ACOT7: variants seen among roughly 807,000 people sequenced by gnomAD.
The protein encoded by ACOT7 is acyl-CoA thioesterase 7, also known as cytosolic acyl coenzyme A thioester hydrolase.
A neutral mutation model predicts 40.2 loss-of-function variants in ACOT7; 12 were observed. The observed-to-expected ratio is 0.30, with a 90% CI of 0.19 to 0.48. The LOEUF is 0.48. Among genes scored for constraint, ACOT7 ranks in the 20% least tolerant of loss-of-function variants. The pLI is 0.99. For synonymous variants in ACOT7, 228 were observed against 219.5 expected (o/e 1.04, Z -0.34); for missense variants, 395 against 530.8 (o/e 0.74, Z 2.51).
At chr1:6,363,896 C>T (rs1490259404) in intron 1 of ACOT7, among the ~76,000 whole-genome samples, 3 of 152,136 alleles carry the variant, frequency 2.0e-5, no homozygotes, top group Admixed American at 6.6e-5. Flanking sequence ...GAAAAGCCAC[C>T]GACCCTGTGG....
chr1:6,372,396 T>C (rs1301121135), intron 1 of ACOT7, among the ~76,000 whole-genome samples: 1 of 152,232 alleles, frequency 6.6e-6, no homozygotes, highest in Non-Finnish European at 1.5e-5. Context: ...TGCTTTCTTA[T>C]CATTCATGTG....
chr1:6,378,067 AAAACAAAC>A (rs140819559), intron 1 of ACOT7, among the ~76,000 whole-genome samples: 31 of 150,568 alleles, frequency 2.1e-4, no homozygotes, highest in East Asian at 1.4e-3. Flanking sequence ...AAGACTCGTC[AAAACAAAC>A]AAACAAACAA....
rs2148374972 is a variant in ACOT7 at position 6,278,132 on chromosome 1, G to C, written c.1014+2970C>G. 6.6e-6 allele frequency among the ~76,000 whole-genome samples: 1 copy of C among 152,234 alleles called. No homozygotes were observed. Among genetic ancestry groups the C allele is most frequent in the Middle Eastern group, 3.4e-3 (1 of 294 alleles). On this transcript the variant is annotated intron_variant, in intron 8 of 8. Transcript: ENST00000361521. The surrounding 1 kb of genome is among the most constrained non-coding windows in gnomAD (Gnocchi z 4.1). ...GGGTGGCGGAGGCGACGCTTCTCTA[G>C]AGCGGTTGTGGGTGCCCTTCTAAGG...
chr1:6,380,586 C>CAAAAAAAAAAAAAAAAAAA (rs58196406), intron 1 of ACOT7, among the ~76,000 whole-genome samples: 1 of 85,332 alleles, frequency 1.2e-5, no homozygotes. Context: ...AAGACCGTCT[C>CAAAAAAAAAAAAAAAAAAA]AAAAAAAAAA....
intron 6 of ACOT7, among the ~76,000 whole-genome samples, chr1:6,303,937 C>T (rs1640043105): frequency 6.6e-6 from 1 of 152,176 alleles, no homozygotes; most frequent in Non-Finnish European, 1.5e-5. Flanking sequence ...TTGACTGCTT[C>T]CTGATGTTTG....
chr1:6,381,136 A>G (rs1205097688), intron 1 of ACOT7, among the ~76,000 whole-genome samples: 1 of 151,940 alleles, frequency 6.6e-6, no homozygotes, highest in Non-Finnish European at 1.5e-5. Context: ...GCAAAAATGG[A>G]CACGGACTTT....
rs967774632 is a variant in ACOT7, at chr1:6,365,030, A to C, written c.144-15164T>G. On this transcript the variant is annotated intron_variant, in intron 1 of 8. Coordinates refer to ENST00000361521, the MANE Select transcript of ACOT7 (RefSeq NM_007274.4). ...AAGAGTGAGACTCCGTCTCAAAAAAAAAAAGGAAAGGAATGAATAACTGAT... is the reference window on the plus strand; with the variant it reads ...AAGAGTGAGACTCCGTCTCAAAAAACAAAAGGAAAGGAATGAATAACTGAT... 2.0e-5 allele frequency among the ~76,000 whole-genome samples: 3 copies of C among 152,280 alleles called. No individual in the cohort carries two copies. In the East Asian group the frequency reaches 5.8e-4, roughly 29 times the overall value.
At chr1:6,376,950 A>T (rs2148477347) in intron 1 of ACOT7, among the ~76,000 whole-genome samples, 1 of 152,318 alleles carries the variant, frequency 6.6e-6, no homozygotes, top group South Asian at 2.1e-4. Flanking sequence ...ATATAAGAGG[A>T]TATACAGACA....
In ACOT7 at chr1:6,278,314, A is replaced by T. The variant is rs80132379; in HGVS notation, c.1014+2788T>A. Among the ~76,000 whole-genome samples, 3,679 of 151,898 alleles carry T rather than the reference A, an allele frequency of 0.024. 143 individuals are homozygous for T. Among genetic ancestry groups the T allele is most frequent in the African/African-American group, 0.085 (3,527 of 41,384 alleles). On this transcript the variant is annotated intron_variant, in intron 8 of 8. Coordinates refer to ENST00000361521, the MANE Select transcript of ACOT7 (RefSeq NM_007274.4). This position sits in a 1 kb window ranked among gnomAD's most constrained non-coding sequence, Gnocchi z 4.1. Reference sequence around the variant, plus strand: ...GTGCATTTCGGTGGGAGAGGGAGCAACTCGGATTTTGATGACCAGTTTCCT... The same window carrying T: ...GTGCATTTCGGTGGGAGAGGGAGCATCTCGGATTTTGATGACCAGTTTCCT...
At chr1:6,280,183 C>T (rs1274687982) in intron 8 of ACOT7, among the ~76,000 whole-genome samples, 2 of 152,250 alleles carry the variant, frequency 1.3e-5, no homozygotes, top group Admixed American at 1.3e-4. Flanking sequence ...CTCCCAGCTG[C>T]TCTGTTCCCG....
chr1:6,281,179 A>G lies in ACOT7; in HGVS notation c.937T>C (p.Tyr313His), dbSNP rs1553155214. 6 of 1,614,162 alleles carry G rather than the reference A, an allele frequency of 3.7e-6. No homozygotes were observed. The highest frequency in any genetic ancestry group is 3.4e-6 in the Non-Finnish European group (4 of 1,180,048). The change falls in exon 8 of 9, where the codon TAC (tyrosine) becomes CAC (histidine). Residue 313 changes from tyrosine to histidine, a missense_variant. This residue lies in a region of ACOT7 where 309 missense variants were observed against 470.3 expected (regional missense o/e 0.66). Transcript: ENST00000361521. ...GTGAAGAAGGCACTGGCGGCCCGGT[A>G]GCGCTTCTGAGAGCTGTCCACAACA... ...DPVVDSSQKR[Y>H]RAASAFFTYV...
chr1:6,381,890 T>G (rs1642342138), intron 1 of ACOT7, among the ~76,000 whole-genome samples: 1 of 151,338 alleles, frequency 6.6e-6, no homozygotes, highest in Admixed American at 6.6e-5. Flanking sequence ...ATCCCAGCAC[T>G]TTGGGAGGCC....
At chr1:6,292,685 T>TGTTTTTTTTTTTTTGC (rs1639702460) in intron 7 of ACOT7, among the ~76,000 whole-genome samples, 1 of 142,228 alleles carries the variant, frequency 7.0e-6, no homozygotes, top group Admixed American at 6.9e-5. Context: ...TGTTTTTTTG[T>TGTTTTTTTTTTTTTGC]GTTTTTTTTT....
chr1:6,313,524 TCTTC>T (rs1557645736), intron 6 of ACOT7, among the ~76,000 whole-genome samples: 3 of 152,186 alleles, frequency 2.0e-5, no homozygotes, highest in Admixed American at 2.0e-4. Flanking sequence ...AGAGACTATC[TCTTC>T]CTTCATCAGT....
Position 6,294,984 on chromosome 1 carries a change from C to G in ACOT7, c.713-4G>C, listed in dbSNP as rs769040966. 2 of 1,608,258 alleles carry G rather than the reference C, an allele frequency of 1.2e-6. No homozygotes were observed. The highest frequency in any genetic ancestry group is 1.7e-6 in the Non-Finnish European group (2 of 1,175,088). On this transcript the variant is annotated splice_polypyrimidine_tract_variant and splice_region_variant and intron_variant, in intron 6 of 8. Coordinates refer to ENST00000361521, the MANE Select transcript of ACOT7 (RefSeq NM_007274.4). This position sits in a 1 kb window ranked among gnomAD's most constrained non-coding sequence, Gnocchi z 4.6. ...TCCATGAGCTTCATGGTCACACCTG[C>G]GGAGAAAGGGACATGCGGCAGATGA...
Position 6,364,262 on chromosome 1 carries a change from C to T in ACOT7, c.144-14396G>A, listed in dbSNP as rs781585996. Among the ~76,000 whole-genome samples, 8 of 152,180 alleles carry T rather than the reference C, an allele frequency of 5.3e-5. No homozygotes were observed. The South Asian group carries it at 6.2e-4, about 12-fold the overall frequency. On this transcript the variant is annotated intron_variant, in intron 1 of 8. Coordinates refer to ENST00000361521, the MANE Select transcript of ACOT7 (RefSeq NM_007274.4). ...AGTAACATCTAAAAGCAATTATCGG[C>T]GAGGTGTGGTGGCTCACACCTGTAA...
intron 5 of ACOT7, among the ~76,000 whole-genome samples, chr1:6,323,927 G>C (rs185723901): frequency 9.9e-5 from 15 of 151,828 alleles, no homozygotes; most frequent in Non-Finnish European, 1.8e-4. Context: ...GACAGGGGCT[G>C]GGAGCAGGCA....
chr1:6,342,644 A>G (rs945246000), intron 2 of ACOT7, among the ~76,000 whole-genome samples: 6 of 152,126 alleles, frequency 3.9e-5, no homozygotes, highest in African/African-American at 1.4e-4. Flanking sequence ...TTTTTTAGAA[A>G]ATTACTTTCA....
At chr1:6,279,233 G>T (rs1170997688) in intron 8 of ACOT7, among the ~76,000 whole-genome samples, 1 of 152,230 alleles carries the variant, frequency 6.6e-6, no homozygotes, top group Non-Finnish European at 1.5e-5. Flanking sequence ...GTCAGGGGCT[G>T]AGGAACGACT....
Sources: gnomAD v4.1 joint callset for allele counts (sites outside exome capture counted in the v4.1 genomes callset) on GRCh38, gnomAD v4.1.1 for gene constraint, gnomAD v4.1.1 regional missense constraint, Gnocchi (gnomAD v3.1) non-coding constraint, MANE v1.5 for transcripts, NCBI Gene and HGNC (gene_info 2026-07-23, HGNC 2026-07-21) for gene names.